TRPM3: variants seen among roughly 807,000 people sequenced by gnomAD.
The protein encoded by TRPM3 is transient receptor potential cation channel subfamily M member 3, also known as long transient receptor potential channel 3.
A neutral mutation model predicts 181.2 loss-of-function variants in TRPM3; 77 were observed. That is an observed-to-expected ratio of 0.42 (90% CI 0.35 to 0.51). TRPM3 has a LOEUF of 0.51. Ranked by LOEUF, TRPM3 falls within the 20% of genes least tolerant of loss-of-function variation. The pLI is 0.01. For missense variants in TRPM3, 1,759 were observed against 2,196.7 expected, an observed-to-expected ratio of 0.80 and a Z score of 3.98; for synonymous variants, 745 against 796.4, an observed-to-expected ratio of 0.94 and a Z score of 1.09.
intron 8 of TRPM3, among the ~76,000 whole-genome samples, chr9:70,691,667 A>G (rs1220517114): frequency 1.3e-5 from 2 of 152,222 alleles, no homozygotes; most frequent in Non-Finnish European, 2.9e-5. Context: ...AAGAAATGCA[A>G]TTCAGAGGCT....
intron 1 of TRPM3, among the ~76,000 whole-genome samples, chr9:71,277,971 G>A (rs2084356240): frequency 6.6e-6 from 1 of 152,170 alleles, no homozygotes; most frequent in Non-Finnish European, 1.5e-5. Context: ...TAATTATAAA[G>A]AGAGTGGGAC....
At chr9:70,790,156 G>A (rs2085007574) in intron 6 of TRPM3, among the ~76,000 whole-genome samples, 1 of 152,096 alleles carries the variant, frequency 6.6e-6, no homozygotes, top group African/African-American at 2.4e-5. Context: ...TTTATGTCAA[G>A]GTCACCCACA....
chr9:70,569,919 G>A (rs978572082), intron 22 of TRPM3, among the ~76,000 whole-genome samples: 2 of 151,972 alleles, frequency 1.3e-5, no homozygotes, highest in African/African-American at 4.8e-5. Context: ...CCTTGCTTAG[G>A]TCTGTCTCCA....
chr9:71,303,398 T>C (rs1049738011), intron 1 of TRPM3, among the ~76,000 whole-genome samples: 1 of 152,242 alleles, frequency 6.6e-6, no homozygotes, highest in Non-Finnish European at 1.5e-5. Flanking sequence ...CAGGTTACAG[T>C]GATTTTTTTT....
chr9:71,418,220 G>A (rs1212586395), intron 1 of TRPM3, among the ~76,000 whole-genome samples: 2 of 151,846 alleles, frequency 1.3e-5, no homozygotes, highest in African/African-American at 4.8e-5. Context: ...TGGTTTTGGG[G>A]TGGCAAGCAA....
intron 1 of TRPM3, among the ~76,000 whole-genome samples, chr9:71,047,421 TC>T (rs2059567354): frequency 6.6e-6 from 1 of 152,222 alleles, no homozygotes; most frequent in Non-Finnish European, 1.5e-5. Flanking sequence ...TAATTTTTTT[TC>T]TGAAATTCTT....
intron 9 of TRPM3, among the ~76,000 whole-genome samples, chr9:70,672,796 G>A (rs1419179342): frequency 6.6e-6 from 1 of 152,068 alleles, no homozygotes; most frequent in Non-Finnish European, 1.5e-5. Context: ...TAGGGGGAGT[G>A]ATGCCAGGAG....
At chr9:70,893,130 G>A (rs1217246431) in intron 1 of TRPM3, among the ~76,000 whole-genome samples, 1 of 152,146 alleles carries the variant, frequency 6.6e-6, no homozygotes, top group East Asian at 1.9e-4. Context: ...AATATTATAT[G>A]TAGGGGAAGA....
intron 22 of TRPM3, among the ~76,000 whole-genome samples, chr9:70,561,635 T>C (rs528745872): frequency 6.6e-6 from 1 of 152,340 alleles, no homozygotes; most frequent in African/African-American, 2.4e-5. Context: ...GCTTAAGTTT[T>C]TTCTCTTCAC....
intron 18 of TRPM3, among the ~76,000 whole-genome samples, chr9:70,611,323 A>G (rs1054193670): frequency 1.8e-4 from 27 of 152,142 alleles, no homozygotes; most frequent in Non-Finnish European, 2.9e-5. Flanking sequence ...TAATCCCCAC[A>G]TGTCAAGGGA....
At chr9:71,103,848 A>C (rs2068887947) in intron 1 of TRPM3, among the ~76,000 whole-genome samples, 1 of 152,156 alleles carries the variant, frequency 6.6e-6, no homozygotes, top group Non-Finnish European at 1.5e-5. Flanking sequence ...TCTTTCTGAA[A>C]TGTGGACACT....
At chr9:70,881,779 T>C (rs1190242851) in intron 1 of TRPM3, among the ~76,000 whole-genome samples, 44 of 152,196 alleles carry the variant, frequency 2.9e-4, no homozygotes, top group Admixed American at 2.9e-3. Context: ...AGTACTGCCT[T>C]TAGAGTTTTC....
chr9:71,399,860 T>A (rs992007365), intron 1 of TRPM3, among the ~76,000 whole-genome samples: 6 of 152,200 alleles, frequency 3.9e-5, no homozygotes, highest in African/African-American at 1.4e-4. Context: ...CAGAAGTTGT[T>A]GATTTTTTTC....
At chr9:71,169,026 G>C (rs1430321978) in intron 1 of TRPM3, among the ~76,000 whole-genome samples, 2 of 152,152 alleles carry the variant, frequency 1.3e-5, no homozygotes, top group Non-Finnish European at 1.5e-5. Context: ...ATGAAGGGCA[G>C]GTTGTATCAG....
At chr9:71,223,130 G>A (rs183915952) in intron 1 of TRPM3, among the ~76,000 whole-genome samples, 1 of 152,228 alleles carries the variant, frequency 6.6e-6, no homozygotes. Context: ...CCAAACCCAG[G>A]CAGCATAGCT....
intron 1 of TRPM3, among the ~76,000 whole-genome samples, chr9:71,433,539 G>A (rs1341664818): frequency 6.6e-6 from 1 of 152,126 alleles, no homozygotes; most frequent in Non-Finnish European, 1.5e-5. Context: ...GTCTTTATTT[G>A]CAGCATGAAA....
In TRPM3 at chr9:70,969,122, G is replaced by A. The variant is rs191506156; in HGVS notation, c.178-104611C>T. Among the ~76,000 whole-genome samples the A allele has an allele frequency of 9.2e-5, 14 of 152,166 alleles. No individual in the cohort carries two copies. In the East Asian group the frequency reaches 2.5e-3, roughly 27 times the overall value. ...TTTTGCAATCTATCCATCTGACAAA[G>A]GACTAATATCCAGAATCTACCAACT... On this transcript the variant is annotated intron_variant, in intron 1 of 25. Coordinates refer to ENST00000677713, the MANE Select transcript of TRPM3 (RefSeq NM_001366145.2).
chr9:70,906,839 G>A (rs2096472853), intron 1 of TRPM3, among the ~76,000 whole-genome samples: 2 of 152,124 alleles, frequency 1.3e-5, no homozygotes, highest in South Asian at 4.1e-4. Context: ...GGAGGCAGAG[G>A]TGGCAGTGAG....
At chr9:71,190,973 ATT>A (rs1462623600) in intron 1 of TRPM3, among the ~76,000 whole-genome samples, 1 of 151,804 alleles carries the variant, frequency 6.6e-6, no homozygotes, top group Non-Finnish European at 1.5e-5. Context: ...AGCAATATTC[ATT>A]TTCTGAGCAT....
Sources: gnomAD v4.1 joint callset for allele counts (sites outside exome capture counted in the v4.1 genomes callset) on GRCh38, gnomAD v4.1.1 for gene constraint, MANE v1.5 for transcripts, NCBI Gene and HGNC (gene_info 2026-07-23, HGNC 2026-07-21) for gene names.